The following ARL5B variants were observed in gnomAD, a reference collection of about 807,000 sequenced individuals.
The protein encoded by ARL5B is ADP-ribosylation factor-like protein 5B.
ARL5B carries 10 observed loss-of-function variants against 26.9 expected under a neutral mutation model. The observed-to-expected ratio is 0.37, with a 90% CI of 0.23 to 0.63. ARL5B has a LOEUF of 0.63. Among genes scored for constraint, ARL5B ranks in the 30% least tolerant of loss-of-function variants. The pLI, the probability that ARL5B is intolerant of heterozygous loss-of-function variation, is 0.62. For synonymous variants in ARL5B, 87 were observed against 70.4 expected, an observed-to-expected ratio of 1.24 and a Z score of -1.18; for missense variants, 167 against 213.9, an observed-to-expected ratio of 0.78 and a Z score of 1.37.
Position 18,659,478 on chromosome 10 carries a change from CT to C in ARL5B, c.-158del. The C allele has an allele frequency of 1.1e-6, 1 of 931,676 alleles. No homozygotes were observed. The highest frequency in any genetic ancestry group is 1.5e-6 in the Non-Finnish European group (1 of 656,920). The allele number at this position is 931,676 out of a possible 1,614,324, so 57.7% of individuals were successfully genotyped here. On this transcript the variant is annotated 5_prime_UTR_variant, in exon 1 of 6. Coordinates refer to ENST00000377275, the MANE Select transcript of ARL5B (RefSeq NM_178815.5). Reference sequence around the variant, plus strand: ...GTCCGGTGGGGATTCGTCGCGGCGCCTTCTGAGTGGTCGGGTCGAGGCTTCT... The same window carrying C: ...GTCCGGTGGGGATTCGTCGCGGCGCCTCTGAGTGGTCGGGTCGAGGCTTCT...
At chr10:18,661,384 A>T (rs2059835774) in intron 1 of ARL5B, among the ~76,000 whole-genome samples, 2 of 152,192 alleles carry the variant, frequency 1.3e-5, no homozygotes, top group Admixed American at 6.5e-5. Context: ...GGGAAAATGT[A>T]GATGGTGATG....
chr10:18,664,114 C>T (rs993722987), intron 1 of ARL5B, among the ~76,000 whole-genome samples: 14 of 151,896 alleles, frequency 9.2e-5, no homozygotes, highest in South Asian at 2.1e-4. Context: ...CCACCATGCC[C>T]GGCTAAGTTT....
At chr10:18,659,955 C>T (rs2059821216) in intron 1 of ARL5B, 2 of 984,554 alleles carry the variant, frequency 2.0e-6, no homozygotes, top group Non-Finnish European at 1.2e-6. Context: ...AAGCGGGATA[C>T]AGCTAATGAT....
intron 1 of ARL5B, among the ~76,000 whole-genome samples, chr10:18,665,599 A>G (rs370851087): frequency 6.6e-6 from 1 of 152,192 alleles, no homozygotes; most frequent in Non-Finnish European, 1.5e-5. Flanking sequence ...TTATATGACC[A>G]GAATGTTGAC....
chr10:18,659,949 G>A, intron 1 of ARL5B: 1 of 985,166 alleles, frequency 1.0e-6, no homozygotes, highest in Non-Finnish European at 1.2e-6. Context: ...GAAGTAAAGC[G>A]GGATACAGCT....
In ARL5B at chr10:18,679,867, A is replaced by T. The variant is rs529846860; in HGVS notation, c.*4651A>T. ...TGAATTTCTGCCTCTCCTCGTATTTAGGGTACTTAAAATTACTAAAAAATA... is the reference window on the plus strand; with the variant it reads ...TGAATTTCTGCCTCTCCTCGTATTTTGGGTACTTAAAATTACTAAAAAATA... On this transcript the variant is annotated 3_prime_UTR_variant, in exon 6 of 6. Transcript: ENST00000377275. 1 of 152,078 alleles carries T rather than the reference A, an allele frequency of 6.6e-6. No homozygotes were observed. The highest frequency in any genetic ancestry group is 1.9e-4 in the East Asian group (1 of 5,178). The allele number at this position is 152,078 out of a possible 1,614,324, so 9.4% of individuals were successfully genotyped here.
At chr10:18,668,776 T>G (rs1168459417) in intron 3 of ARL5B, 99 bp downstream of exon 3, 1 of 1,258,362 alleles carries the variant, frequency 7.9e-7, no homozygotes, top group African/African-American at 1.5e-5. Flanking sequence ...TTGCCTTTTT[T>G]TTTTTTTTTT....
Position 18,672,628 on chromosome 10 carries a change from A to C in ARL5B, c.262A>C (p.Ile88Leu). The C allele has an allele frequency of 6.2e-7, 1 of 1,606,070 alleles. No homozygotes were observed. ...NTYYSNTEFI[I>L]LVVDSIDRER... ...CCTTTTAATTTTCTTCTAGTTCATC[A>C]TTCTTGTTGTTGATAGCATTGACAG... Residue 88 changes from isoleucine to leucine, a missense_variant, in exon 4 of 6, where the codon ATT becomes CTT. Transcript: ENST00000377275.
At chr10:18,668,387 A>G (rs1006277850) in intron 2 of ARL5B, 143 bp from the exon 3 acceptor site, 3 of 758,786 alleles carry the variant, frequency 4.0e-6, no homozygotes, top group South Asian at 4.4e-5. Context: ...GATTTGCGCA[A>G]GTGTTCTCCA....
intron 4 of ARL5B, among the ~76,000 whole-genome samples, chr10:18,673,054 TTTTTTG>T (rs754780922): frequency 1.3e-5 from 2 of 151,742 alleles, no homozygotes; most frequent in African/African-American, 4.8e-5. Flanking sequence ...TTTTTTTTTG[TTTTTTG>T]TTTTTGTTTT....
chr10:18,678,846 G>A lies in ARL5B; in HGVS notation c.*3630G>A, dbSNP rs1288108425. The A allele has an allele frequency of 2.0e-5, 3 of 151,698 alleles. No homozygotes were observed. The highest frequency in any genetic ancestry group is 2.1e-4 in the South Asian group (1 of 4,826). The allele number at this position is 151,698 out of a possible 1,614,324, so 9.4% of individuals were successfully genotyped here. On this transcript the variant is annotated 3_prime_UTR_variant, in exon 6 of 6. Coordinates refer to ENST00000377275, the MANE Select transcript of ARL5B (RefSeq NM_178815.5). ...AGTGGATTTGAGCCTTAATTTGGCC[G>A]TTTCTCAATTGTCTAGTTGACCTTA...
intron 1 of ARL5B, among the ~76,000 whole-genome samples, chr10:18,665,049 G>A (rs2059855241): frequency 6.6e-6 from 1 of 152,200 alleles, no homozygotes; most frequent in African/African-American, 2.4e-5. Context: ...GTAGATGCTT[G>A]GTAGGTGGAG....
rs368759340 is a variant in ARL5B at position 18,675,551 on chromosome 10, A to G, written c.*335A>G. On this transcript the variant is annotated 3_prime_UTR_variant, in exon 6 of 6. Transcript: ENST00000377275. ...AATATTCTTATAACCTTAATGACCAATTGCTTTCAATTCTTGACCAGCACT... is the reference window on the plus strand; with the variant it reads ...AATATTCTTATAACCTTAATGACCAGTTGCTTTCAATTCTTGACCAGCACT... The G allele has an allele frequency of 1.8e-5, 4 of 220,502 alleles. No individual in the cohort carries two copies. In the South Asian group the frequency reaches 2.4e-4, roughly 13 times the overall value. The allele number at this position is 220,502 out of a possible 1,614,324, so 13.7% of individuals were successfully genotyped here. A position where few individuals can be genotyped will look rare whatever the true frequency, so the allele number is the denominator to read the frequency against.
chr10:18,663,290 C>T (rs1310996058), intron 1 of ARL5B, among the ~76,000 whole-genome samples: 3 of 152,220 alleles, frequency 2.0e-5, no homozygotes, highest in African/African-American at 7.2e-5. Flanking sequence ...GCGTGAGCCA[C>T]TGCACCTGGC....
In ARL5B at chr10:18,659,559, G is replaced by C. The variant is rs889300778; in HGVS notation, c.-79G>C. The C allele has an allele frequency of 6.7e-7, 1 of 1,493,304 alleles. No homozygotes were observed. The highest frequency in any genetic ancestry group is 1.4e-5 in the African/African-American group (1 of 69,720). 92.5% of individuals were successfully genotyped at this position (1,493,304 alleles called of 1,614,324 possible). A position where few individuals can be genotyped will look rare whatever the true frequency, so the allele number is the denominator to read the frequency against. ...TCAGGCGGGTTCTCCTCGGCTCCGC[G>C]CAGCCCGCGCCGCGGTGGGGGACCC... On this transcript the variant is annotated 5_prime_UTR_variant, in exon 1 of 6. Transcript: ENST00000377275.
chr10:18,661,345 C>A (rs1294423599), intron 1 of ARL5B, among the ~76,000 whole-genome samples: 1 of 152,048 alleles, frequency 6.6e-6, no homozygotes, highest in East Asian at 1.9e-4. Flanking sequence ...GGTGTCCTTA[C>A]TCAGACTAGA....
At chr10:18,666,684 T>A in intron 2 of ARL5B, 49 bp downstream of exon 2, 1 of 1,456,332 alleles carries the variant, frequency 6.9e-7, no homozygotes, top group South Asian at 1.3e-5. Flanking sequence ...TTGAAACTAA[T>A]GTGTTTACAA....
Position 18,666,601 on chromosome 10 carries a change from G to T in ARL5B, c.73G>T (p.Asp25Tyr). The change falls in exon 2 of 6, where the codon GAT becomes TAT. Residue 25 changes from aspartate to tyrosine, a missense_variant. Transcript: ENST00000377275. ...QEHKVIIVGL[D>Y]NAGKTTILYQ... is the part of the protein sequence containing the mutation. Reference sequence around the variant, plus strand: ...ACACAAAGTAATTATAGTGGGACTGGATAATGCAGGGAAAACCACCATTCT... The same window carrying T: ...ACACAAAGTAATTATAGTGGGACTGTATAATGCAGGGAAAACCACCATTCT... 2 of 1,610,070 alleles carry T rather than the reference G, an allele frequency of 1.2e-6. No individual in the cohort carries two copies. Among genetic ancestry groups the T allele is most frequent in the Admixed American group, 1.7e-5 (1 of 59,258 alleles).
chr10:18,672,782 T>A (rs1479318336), intron 4 of ARL5B, 77 bp downstream of exon 4: 8 of 926,994 alleles, frequency 8.6e-6, no homozygotes, highest in Admixed American at 2.1e-5. Context: ...TTGCAAAGAT[T>A]AATGTGATAT....
Sources: allele counts gnomAD v4.1 joint callset (sites outside exome capture counted in the v4.1 genomes callset), GRCh38; gene constraint gnomAD v4.1.1; transcripts MANE v1.5; gene names NCBI Gene and HGNC (gene_info 2026-07-23, HGNC 2026-07-21).